The following DCC variants were observed in gnomAD, a reference collection of about 807,000 sequenced individuals.
The protein encoded by DCC is DCC netrin 1 receptor.
Under a neutral mutation model 172.5 loss-of-function variants are expected in DCC, and 58 were observed. The ratio of observed to expected loss-of-function variants is 0.34; its 90% CI spans 0.27 to 0.42. The LOEUF is 0.42. Ranked by LOEUF, DCC falls within the 10% of genes least tolerant of loss-of-function variation. The pLI, the probability that DCC is intolerant of heterozygous loss-of-function variation, is 1.00. For synonymous variants in DCC, 709 were observed against 644.5 expected (o/e 1.10, Z -1.52); for missense variants, 1,740 against 1,791.0 (o/e 0.97, Z 0.51).
chr18:52,462,786 C>T (rs1308599740), intron 1 of DCC, among the ~76,000 whole-genome samples: 1 of 152,152 alleles, frequency 6.6e-6, no homozygotes, highest in Non-Finnish European at 1.5e-5. Flanking sequence ...TTGCTCCAGC[C>T]CAGGTGCCTG....
At chr18:52,868,033 G>GTGTATATATA (rs34439277) in intron 2 of DCC, among the ~76,000 whole-genome samples, 17 of 120,430 alleles carry the variant, frequency 1.4e-4, no homozygotes, top group African/African-American at 3.9e-4. Context: ...GTGTATGTGT[G>GTGTATATATA]TATATATATA....
At chr18:52,844,209 C>T (rs2038849615) in intron 2 of DCC, among the ~76,000 whole-genome samples, 1 of 152,104 alleles carries the variant, frequency 6.6e-6, no homozygotes, top group Admixed American at 6.6e-5. Context: ...ATCTACTGTG[C>T]CCAATCTCCT....
intron 2 of DCC, among the ~76,000 whole-genome samples, chr18:52,794,139 G>C (rs2037826848): frequency 6.6e-6 from 1 of 151,852 alleles, no homozygotes; most frequent in African/African-American, 2.4e-5. Flanking sequence ...AGAATCTTTT[G>C]TGTTTCCACA....
chr18:53,091,044 GTA>G (rs1181657908), intron 7 of DCC, among the ~76,000 whole-genome samples: 1 of 151,986 alleles, frequency 6.6e-6, no homozygotes, highest in African/African-American at 2.4e-5. Flanking sequence ...TGCTGAACCA[GTA>G]ATCGATTTCC....
chr18:52,822,550 C>CCA (rs1250182626), intron 2 of DCC, among the ~76,000 whole-genome samples: 3 of 152,284 alleles, frequency 2.0e-5, no homozygotes, highest in African/African-American at 7.2e-5. Context: ...CCTGCAACAG[C>CCA]CAAATTCCAA....
intron 7 of DCC, among the ~76,000 whole-genome samples, chr18:53,080,118 A>G (rs1345637773): frequency 6.6e-6 from 1 of 152,148 alleles, no homozygotes; most frequent in Non-Finnish European, 1.5e-5. Context: ...TAGGCTAAGC[A>G]AGAGAGAATG....
intron 1 of DCC, among the ~76,000 whole-genome samples, chr18:52,750,135 C>G (rs1019640944): frequency 6.6e-6 from 1 of 152,158 alleles, no homozygotes; most frequent in Non-Finnish European, 1.5e-5. Context: ...CAGATGCTCT[C>G]AATTCAATCT....
chr18:52,690,106 C>T (rs1265163335), intron 1 of DCC, among the ~76,000 whole-genome samples: 1 of 152,152 alleles, frequency 6.6e-6, no homozygotes, highest in African/African-American at 2.4e-5. Context: ...ACAGCAGCCT[C>T]AGGAGAGACC....
chr18:52,602,128 T>A (rs559097379), intron 1 of DCC, among the ~76,000 whole-genome samples: 1 of 152,192 alleles, frequency 6.6e-6, no homozygotes, highest in East Asian at 1.9e-4. Flanking sequence ...AGTCACATAT[T>A]TATAATCCTA....
At chr18:52,822,833 T>G (rs1194814446) in intron 2 of DCC, among the ~76,000 whole-genome samples, 1 of 152,204 alleles carries the variant, frequency 6.6e-6, no homozygotes, top group Non-Finnish European at 1.5e-5. Flanking sequence ...GAAGGTTAAT[T>G]ATGACATATT....
chr18:53,165,870 G>A (rs1598866182), intron 8 of DCC, among the ~76,000 whole-genome samples: 1 of 152,154 alleles, frequency 6.6e-6, no homozygotes. Flanking sequence ...GAGCTTTAGT[G>A]GAAAGGAACA....
At chr18:53,277,642 G>C (rs1398669774) in intron 12 of DCC, among the ~76,000 whole-genome samples, 1 of 152,116 alleles carries the variant, frequency 6.6e-6, no homozygotes, top group Non-Finnish European at 1.5e-5. Flanking sequence ...TAGTCTCCCA[G>C]TGAAATCTCC....
intron 1 of DCC, among the ~76,000 whole-genome samples, chr18:52,373,192 A>G (rs1985198595): frequency 6.6e-6 from 1 of 152,188 alleles, no homozygotes; most frequent in Non-Finnish European, 1.5e-5. Context: ...AGAGTGAGGC[A>G]AACTAATGGC....
intron 22 of DCC, among the ~76,000 whole-genome samples, chr18:53,443,805 C>A (rs1214868786): frequency 2.0e-5 from 3 of 152,140 alleles, no homozygotes; most frequent in African/African-American, 7.2e-5. Flanking sequence ...GATTCCAATC[C>A]TTACAGATGA....
Position 52,340,485 on chromosome 18 carries a change from G to A in DCC, c.-303G>A, listed in dbSNP as rs1983576240. On this transcript the variant is annotated 5_prime_UTR_variant, in exon 1 of 29. An upstream open reading frame in the 5' UTR gains an earlier in-frame stop. Transcript: ENST00000442544. ...TCAGAGAGCTGTCTTCCCTCCTCTG[G>A]CTCCCTCCGTTTCCTTGAGTTAGTT... The A allele has an allele frequency of 6.3e-6, 3 of 479,686 alleles. No individual in the cohort carries two copies. Among genetic ancestry groups the A allele is most frequent in the Middle Eastern group, 5.8e-4 (1 of 1,738 alleles). 29.7% of individuals were successfully genotyped at this position (479,686 alleles called of 1,614,324 possible). A position where few individuals can be genotyped will look rare whatever the true frequency, so the allele number is the denominator to read the frequency against.
chr18:53,109,868 T>C (rs1352111502), intron 7 of DCC, among the ~76,000 whole-genome samples: 2 of 151,686 alleles, frequency 1.3e-5, no homozygotes, highest in Non-Finnish European at 3.0e-5. Flanking sequence ...AGCAGAATTC[T>C]TGTTTTATTT....
At chr18:53,526,449 A>G (rs2046456371) in intron 27 of DCC, among the ~76,000 whole-genome samples, 168 bp from the exon 28 acceptor site, 1 of 152,188 alleles carries the variant, frequency 6.6e-6, no homozygotes, top group African/African-American at 2.4e-5. Context: ...TCTTCCATTT[A>G]GTAGAAATAA....
At chr18:53,249,040 A>C (rs1483547396) in intron 12 of DCC, among the ~76,000 whole-genome samples, 1 of 151,958 alleles carries the variant, frequency 6.6e-6, no homozygotes, top group African/African-American at 2.4e-5. Context: ...GTTAGTCTGT[A>C]TTCCTTTCAC....
intron 2 of DCC, among the ~76,000 whole-genome samples, chr18:52,784,628 TTC>T (rs1416782312): frequency 2.6e-5 from 4 of 152,108 alleles, no homozygotes; most frequent in African/African-American, 9.7e-5. Context: ...TGAGAAGATC[TTC>T]TCATTGTGGT....
Sources: allele counts gnomAD v4.1 joint callset (sites outside exome capture counted in the v4.1 genomes callset), GRCh38; gene constraint gnomAD v4.1.1; transcripts MANE v1.5; gene names NCBI Gene and HGNC (gene_info 2026-07-23, HGNC 2026-07-21).